LRCH2: variants seen among roughly 807,000 people sequenced by gnomAD.
LRCH2 encodes the protein leucine-rich repeat and calponin homology domain-containing protein 2.
LRCH2 carries 38 observed loss-of-function variants against 68.9 expected under a neutral mutation model. The observed-to-expected ratio is 0.55, with a 90% confidence interval of 0.43 to 0.72. The LOEUF is 0.72. Among genes scored for constraint, LRCH2 ranks in the 30% least tolerant of loss-of-function variants. The pLI is 0.00. For synonymous variants in LRCH2, 191 were observed against 208.1 expected (o/e 0.92, Z 0.71); for missense variants, 528 against 572.9 (o/e 0.92, Z 0.80).
Position 115,193,602 on chromosome X carries a change from T to G in LRCH2, c.350-5232A>C, listed in dbSNP as rs138584540. On this transcript the variant is annotated intron_variant, in intron 1 of 20. Coordinates refer to ENST00000317135, the MANE Select transcript of LRCH2 (RefSeq NM_020871.4). ...ACCATTACTCCTATTAAGGGTTTAT[T>G]TGTTAAATGAAATTTTGAAAAATAC... Among the ~76,000 whole-genome samples the G allele has an allele frequency of 5.4e-3, 609 of 112,224 alleles. 6 individuals are homozygous for G. Among genetic ancestry groups the G allele is most frequent in the African/African-American group, 0.018 (568 of 30,912 alleles).
At chrX:115,208,538 C>T (rs892829353) in intron 1 of LRCH2, among the ~76,000 whole-genome samples, 1 of 111,265 alleles carries the variant, frequency 9.0e-6, no homozygotes, top group Non-Finnish European at 1.9e-5. Flanking sequence ...GTCAAGGAAG[C>T]TAGAGAAGAA....
intron 2 of LRCH2, among the ~76,000 whole-genome samples, chrX:115,185,557 T>C (rs1556554133): frequency 8.9e-6 from 1 of 111,909 alleles, no homozygotes; most frequent in East Asian, 2.8e-4. Context: ...CAAAGTGTCA[T>C]TTATAGACCT....
At chrX:115,165,318 AT>A in intron 10 of LRCH2, 86 bp downstream of exon 10, 2 of 665,201 alleles carry the variant, frequency 3.0e-6, no homozygotes, top group Non-Finnish European at 4.4e-6. Context: ...AAAAAATTAT[AT>A]TTTTTTCAAG....
chrX:115,213,289 C>A (rs2073020495), intron 1 of LRCH2, among the ~76,000 whole-genome samples: 1 of 111,502 alleles, frequency 9.0e-6, no homozygotes, highest in Admixed American at 9.5e-5. Context: ...GAAGTTGCAG[C>A]CTAACCACGG....
In LRCH2 at chrX:115,113,028, A is replaced by AG; in HGVS notation, c.*187dup. Reference sequence around the variant, plus strand: ...TCAAATACTCTTATTAAGTTAATCCAGTTTTCCCCCAAAGAAGTTCGGGCA... The same window carrying AG: ...TCAAATACTCTTATTAAGTTAATCCAGGTTTTCCCCCAAAGAAGTTCGGGCA... On this transcript the variant is annotated 3_prime_UTR_variant, in exon 21 of 21. Coordinates refer to ENST00000317135, the MANE Select transcript of LRCH2 (RefSeq NM_020871.4). 3.3e-6 allele frequency: 1 copy of AG among 305,696 alleles called. No homozygotes were observed. Among genetic ancestry groups the AG allele is most frequent in the East Asian group, 5.0e-5 (1 of 19,914 alleles). 25.2% of individuals were successfully genotyped at this position (305,696 alleles called of 1,213,427 possible).
rs782322392 is a variant in LRCH2, at chrX:115,233,606, C to T, written c.349+87G>A. The T allele has an allele frequency of 5.2e-6, 5 of 964,931 alleles. No homozygotes were observed. The South Asian group carries it at 1.2e-4, about 24-fold the overall frequency. The allele number at this position is 964,931 out of a possible 1,213,427, so 79.5% of individuals were successfully genotyped here. ...CGGTCCCCGCGCACCCGCCCAGACC[C>T]GCAGAGTCCAACAACGCAGCCACGC... is the stretch of plus-strand genomic sequence containing the variant. On this transcript the variant is annotated intron_variant, in intron 1 of 20. Coordinates refer to ENST00000317135, the MANE Select transcript of LRCH2 (RefSeq NM_020871.4).
intron 16 of LRCH2, among the ~76,000 whole-genome samples, chrX:115,124,961 T>A (rs1474516561): frequency 9.0e-6 from 1 of 111,341 alleles, no homozygotes; most frequent in Non-Finnish European, 1.9e-5. Context: ...AATCTTCTGT[T>A]AACACGTGAT....
At chrX:115,173,591 G>T (rs2072622193) in intron 5 of LRCH2, among the ~76,000 whole-genome samples, 1 of 111,698 alleles carries the variant, frequency 9.0e-6, no homozygotes, top group South Asian at 3.7e-4. Flanking sequence ...CTTCCAAGAA[G>T]GTTTGTGTCT....
intron 14 of LRCH2, among the ~76,000 whole-genome samples, chrX:115,146,700 G>A (rs1319947297): frequency 9.1e-6 from 1 of 109,521 alleles, no homozygotes; most frequent in Admixed American, 9.9e-5. Context: ...ATACGATAGC[G>A]GCCTGGGAAT....
chrX:115,225,213 T>C (rs1332106822), intron 1 of LRCH2, among the ~76,000 whole-genome samples: 2 of 111,856 alleles, frequency 1.8e-5, no homozygotes, highest in East Asian at 2.8e-4. Context: ...AAAGGGGTTC[T>C]GGCTTCTGTG....
intron 14 of LRCH2, among the ~76,000 whole-genome samples, chrX:115,130,520 T>C (rs1861683463): frequency 9.0e-6 from 1 of 111,486 alleles, no homozygotes; most frequent in African/African-American, 3.3e-5. Context: ...CTATATCCAA[T>C]ATGTCATCAA....
intron 12 of LRCH2, among the ~76,000 whole-genome samples, chrX:115,151,692 T>G (rs2072433126): frequency 9.0e-6 from 1 of 111,489 alleles, no homozygotes; most frequent in Admixed American, 9.6e-5. Context: ...CTGAAAAAAC[T>G]AAAAGAATGG....
intron 1 of LRCH2, among the ~76,000 whole-genome samples, chrX:115,230,006 G>C (rs781997357): frequency 8.9e-6 from 1 of 112,417 alleles, no homozygotes; most frequent in South Asian, 3.7e-4. Context: ...AGAGGGAGCA[G>C]CAGCAAGTAC....
intron 1 of LRCH2, among the ~76,000 whole-genome samples, chrX:115,232,770 A>G (rs1034127905): frequency 8.9e-6 from 1 of 111,946 alleles, no homozygotes; most frequent in Non-Finnish European, 1.9e-5. Flanking sequence ...AGATTATAAA[A>G]AGTAAAAAAA....
intron 20 of LRCH2, among the ~76,000 whole-genome samples, chrX:115,117,401 G>C (rs1310200689): frequency 2.7e-5 from 3 of 111,560 alleles, no homozygotes; most frequent in African/African-American, 9.7e-5. Flanking sequence ...AAAATGTTAA[G>C]TATGCACTTC....
rs782565283 is a variant in LRCH2 at position 115,192,977 on chromosome X, A to G, written c.350-4607T>C. ...GCAAACAGTTCTAAGATCTTTCATA[A>G]ACATCTGCTCACCTAAAATGGAAAA... On this transcript the variant is annotated intron_variant, in intron 1 of 20. Transcript: ENST00000317135. 17 of 232,312 alleles carry G rather than the reference A, an allele frequency of 7.3e-5. No homozygotes were observed. The Admixed American group carries it at 9.5e-4, about 13-fold the overall frequency. 19.1% of individuals were successfully genotyped at this position (232,312 alleles called of 1,213,427 possible).
chrX:115,157,004 A>T (rs73580121), intron 11 of LRCH2, among the ~76,000 whole-genome samples: 1,785 of 111,521 alleles, frequency 0.016, 20 homozygotes, highest in African/African-American at 0.051. Context: ...TTTTCCCAGC[A>T]CAGCAAATGA....
chrX:115,188,075 T>G (rs782513952), intron 2 of LRCH2, 151 bp downstream of exon 2: 1 of 404,213 alleles, frequency 2.5e-6, no homozygotes, highest in East Asian at 4.4e-5. Flanking sequence ...GACAAAAGCC[T>G]ACAAAATAAT....
intron 1 of LRCH2, among the ~76,000 whole-genome samples, chrX:115,202,723 C>T (rs896048218): frequency 1.8e-5 from 2 of 111,959 alleles, no homozygotes; most frequent in Non-Finnish European, 1.9e-5. Context: ...AAACAAGATG[C>T]ATCTTTCAAT....
Sources: gnomAD v4.1 joint callset for allele counts (sites outside exome capture counted in the v4.1 genomes callset) on GRCh38, gnomAD v4.1.1 for gene constraint, MANE v1.5 for transcripts, NCBI Gene and HGNC (gene_info 2026-07-23, HGNC 2026-07-21) for gene names.